The following BMPR1B variants were observed in gnomAD, a reference collection of about 807,000 sequenced individuals.
BMPR1B encodes bone morphogenetic protein receptor type 1B.
In BMPR1B, 12 loss-of-function variants were observed where a neutral mutation model predicts 59.1. That is an observed-to-expected ratio of 0.20 (90% CI 0.13 to 0.33). The LOEUF is 0.33. Ranked by LOEUF, BMPR1B falls within the 10% of genes least tolerant of loss-of-function variation. The pLI is 1.00. For missense variants in BMPR1B, 550 were observed against 610.9 expected, an observed-to-expected ratio of 0.90 and a Z score of 1.05; for synonymous variants, 237 against 207.3, an observed-to-expected ratio of 1.14 and a Z score of -1.23.
At chr4:95,080,551 T>G (rs189605218) in intron 3 of BMPR1B, among the ~76,000 whole-genome samples, 286 of 152,296 alleles carry the variant, frequency 1.9e-3, no homozygotes, top group Non-Finnish European at 2.8e-3. Flanking sequence ...TATTTACAAA[T>G]TTTATATCTC....
In BMPR1B at chr4:94,934,588, T is replaced by C. The variant is rs145505081; in HGVS notation, c.-113+58688T>C. Among the ~76,000 whole-genome samples the C allele has an allele frequency of 7.4e-3, 1,116 of 151,562 alleles. 16 individuals are homozygous for C. Among genetic ancestry groups the C allele is most frequent in the African/African-American group, 0.026 (1,070 of 41,352 alleles). Reference sequence around the variant, plus strand: ...GTGCCAGGATACGACTGAGACTTAATAGACTAATTAATTTGTCTACTGCAC... The same window carrying C: ...GTGCCAGGATACGACTGAGACTTAACAGACTAATTAATTTGTCTACTGCAC... On this transcript the variant is annotated intron_variant, in intron 2 of 12. Transcript: ENST00000515059.
intron 2 of BMPR1B, among the ~76,000 whole-genome samples, chr4:94,934,104 T>C (rs1729197331): frequency 6.6e-6 from 1 of 152,170 alleles, no homozygotes; most frequent in East Asian, 1.9e-4. Flanking sequence ...GTGTTTGTTT[T>C]TGGAAATATG....
chr4:94,765,378 T>G (rs1368939281), intron 1 of BMPR1B, among the ~76,000 whole-genome samples: 1 of 152,172 alleles, frequency 6.6e-6, no homozygotes, highest in East Asian at 1.9e-4. Context: ...GTATGCATTC[T>G]GAAACATATT....
intron 3 of BMPR1B, among the ~76,000 whole-genome samples, chr4:95,009,210 T>C (rs560417150): frequency 7.2e-5 from 11 of 152,340 alleles, no homozygotes; most frequent in Non-Finnish European, 7.3e-5. Context: ...TACAGCTGTA[T>C]TGATAAATTG....
chr4:95,070,021 C>T (rs1375206744), intron 3 of BMPR1B, among the ~76,000 whole-genome samples: 3 of 152,188 alleles, frequency 2.0e-5, no homozygotes, highest in Non-Finnish European at 4.4e-5. Context: ...ATCGCTTGAA[C>T]CCGGGAAGCA....
At chr4:95,081,246 C>T (rs1199019422) in intron 3 of BMPR1B, among the ~76,000 whole-genome samples, 2 of 152,110 alleles carry the variant, frequency 1.3e-5, no homozygotes, top group Non-Finnish European at 1.5e-5. Context: ...AAACCTCTTT[C>T]CTTTATAAAT....
At chr4:95,051,606 CA>C in intron 3 of BMPR1B, 1 of 1,193,104 alleles carries the variant, frequency 8.4e-7, no homozygotes, top group Non-Finnish European at 1.2e-6. Context: ...GAAGATCTGA[CA>C]AGAGTGGCAG....
intron 2 of BMPR1B, among the ~76,000 whole-genome samples, chr4:94,884,627 C>A (rs1194215134): frequency 6.6e-6 from 1 of 152,108 alleles, no homozygotes; most frequent in Non-Finnish European, 1.5e-5. Context: ...TTTCTCATAA[C>A]CTTATTTAGG....
intron 3 of BMPR1B, among the ~76,000 whole-genome samples, chr4:95,026,146 C>CTTTCTTTCTTTCTTTCTTTCTTTT (rs1724394009): frequency 6.8e-6 from 1 of 148,014 alleles, no homozygotes; most frequent in African/African-American, 2.5e-5. Flanking sequence ...TTCTTTCTTT[C>CTTTCTTTCTTTCTTTCTTTCTTTT]TTTCTTTCTT....
At chr4:94,796,282 T>C (rs1479212632) in intron 1 of BMPR1B, among the ~76,000 whole-genome samples, 3 of 152,180 alleles carry the variant, frequency 2.0e-5, no homozygotes, top group Admixed American at 2.0e-4. Flanking sequence ...ACATAACCTT[T>C]AAAAAATACT....
At chr4:94,945,715 A>G (rs1024617702) in intron 2 of BMPR1B, among the ~76,000 whole-genome samples, 1 of 152,228 alleles carries the variant, frequency 6.6e-6, no homozygotes, top group Admixed American at 6.5e-5. Context: ...GATTACAAGA[A>G]TGAGCCACCA....
intron 6 of BMPR1B, among the ~76,000 whole-genome samples, chr4:95,116,421 G>GCGCGCGCGCACACACACA: frequency 1.1e-3 from 137 of 123,250 alleles, no homozygotes; most frequent in African/African-American, 4.3e-3. Context: ...TTCAGCGCGC[G>GCGCGCGCGCACACACACA]CACACACACA....
At chr4:94,795,052 C>CT (rs1327385446) in intron 1 of BMPR1B, among the ~76,000 whole-genome samples, 1 of 139,318 alleles carries the variant, frequency 7.2e-6, no homozygotes, top group African/African-American at 2.8e-5. Flanking sequence ...ACTTCCAACA[C>CT]TATGTTGAAT....
chr4:95,088,340 G>A (rs1364869916), intron 3 of BMPR1B, among the ~76,000 whole-genome samples: 1 of 152,128 alleles, frequency 6.6e-6, no homozygotes, highest in Admixed American at 6.5e-5. Flanking sequence ...AGAGACAGGA[G>A]CCTGGCATAG....
At position 95,157,122 on chromosome 4, in the gene BMPR1B, A is replaced by T. The variant is rs1735482241; in HGVS notation, c.*2449A>T. 6.6e-6 allele frequency: 1 copy of T among 152,182 alleles called. No homozygotes were observed. The highest frequency in any genetic ancestry group is 2.4e-5 in the African/African-American group (1 of 41,452). The allele number at this position is 152,182 out of a possible 1,614,324, so 9.4% of individuals were successfully genotyped here. ...TTGGTTCCAATGAAGGATGGGAAGA[A>T]ATTAAAATAGTCTTCAAACTTCTTC... On this transcript the variant is annotated 3_prime_UTR_variant, in exon 13 of 13. Transcript: ENST00000515059.
At chr4:95,057,937 C>T (rs1315015182) in intron 3 of BMPR1B, among the ~76,000 whole-genome samples, 1 of 152,096 alleles carries the variant, frequency 6.6e-6, no homozygotes, top group Non-Finnish European at 1.5e-5. Context: ...ATAGGTCCTA[C>T]AGAATTATCT....
chr4:94,797,928 T>C (rs1026481433), intron 1 of BMPR1B, among the ~76,000 whole-genome samples: 7 of 152,228 alleles, frequency 4.6e-5, no homozygotes, highest in African/African-American at 7.2e-5. Flanking sequence ...TTTGCCATAG[T>C]AGTTAGTGGA....
At chr4:94,955,535 C>T (rs1730107866) in intron 2 of BMPR1B, among the ~76,000 whole-genome samples, 2 of 152,170 alleles carry the variant, frequency 1.3e-5, no homozygotes, top group South Asian at 4.2e-4. Context: ...AATGTTAATA[C>T]TAATAGTCAA....
chr4:94,839,377 A>T lies in BMPR1B; in HGVS notation c.-182-36454A>T, dbSNP rs1290632009. 2.2e-3 allele frequency among the ~76,000 whole-genome samples: 319 copies of T among 146,152 alleles called. 1 individual carries two copies. The highest frequency in any genetic ancestry group is 7.3e-3 in the Middle Eastern group (2 of 274). On this transcript the variant is annotated intron_variant, in intron 1 of 12. Transcript: ENST00000515059. ...CAGTGGGGTGTTAAAATCTCCCATT[A>T]TTAATGTGTGGGGGTCTAAGTCTCT...
Sources: allele counts gnomAD v4.1 joint callset (sites outside exome capture counted in the v4.1 genomes callset), GRCh38; gene constraint gnomAD v4.1.1; transcripts MANE v1.5; gene names NCBI Gene and HGNC (gene_info 2026-07-23, HGNC 2026-07-21).